Variants in FHAD1 observed in about 807,000 individuals in gnomAD.
The protein encoded by FHAD1 is forkhead-associated domain-containing protein 1.
FHAD1 carries 146 observed loss-of-function variants against 191.3 expected under a neutral mutation model. The ratio of observed to expected loss-of-function variants is 0.76; its 90% CI spans 0.67 to 0.88. The LOEUF (loss-of-function observed/expected upper bound fraction) is 0.88. Among genes scored for constraint, FHAD1 ranks in the 40% least tolerant of loss-of-function variants. FHAD1 has a pLI of 0.00. For missense variants in FHAD1, 1,635 were observed against 1,785.8 expected, an observed-to-expected ratio of 0.92 and a Z score of 1.52; for synonymous variants, 616 against 672.3, an observed-to-expected ratio of 0.92 and a Z score of 1.29.
rs1359157307 is a variant in FHAD1, at chr1:15,308,607, C to G, written c.916-6C>G. 1 of 1,551,696 alleles carries G rather than the reference C, an allele frequency of 6.4e-7. No individual in the cohort carries two copies. The highest frequency in any genetic ancestry group is 1.2e-5 in the South Asian group (1 of 84,048). ...CCCCCTCTGACTGTGCCACCTCCTC[C>G]CACAGATCAGTGCCCTACAGAAAGG... is the stretch of plus-strand genomic sequence containing the variant. On this transcript the variant is annotated splice_polypyrimidine_tract_variant and splice_region_variant and intron_variant, in intron 6 of 33. Coordinates refer to ENST00000688493, the MANE Select transcript of FHAD1 (RefSeq NM_001391957.1).
chr1:15,359,747 G>GT (rs1198617258), intron 21 of FHAD1, among the ~76,000 whole-genome samples: 10 of 152,090 alleles, frequency 6.6e-5, no homozygotes, highest in African/African-American at 2.2e-4. Flanking sequence ...TCAAGAGATC[G>GT]AGACCATCCT....
Position 15,395,039 on chromosome 1 carries a change from T to C in FHAD1, c.4324-2258T>C, listed in dbSNP as rs555292047. Among the ~76,000 whole-genome samples, 18 of 152,066 alleles carry C rather than the reference T, an allele frequency of 1.2e-4. No homozygotes were observed. The South Asian group carries it at 1.2e-3, about 11-fold the overall frequency. On this transcript the variant is annotated intron_variant, in intron 33 of 33. Coordinates refer to ENST00000688493, the MANE Select transcript of FHAD1 (RefSeq NM_001391957.1). Reference sequence around the variant, plus strand: ...CATAAAACCTATGGGAAAGGCTGGGTGCGGTGGCTCACGCCTGTAATCCCA... The same window carrying C: ...CATAAAACCTATGGGAAAGGCTGGGCGCGGTGGCTCACGCCTGTAATCCCA...
chr1:15,237,521 C>T lies in FHAD1; in HGVS notation c.-15+760C>T, dbSNP rs538741696. Among the ~76,000 whole-genome samples, 4 of 152,320 alleles carry T rather than the reference C, an allele frequency of 2.6e-5. 1 individual carries two copies. Among genetic ancestry groups the T allele is most frequent in the African/African-American group, 9.6e-5 (4 of 41,566 alleles). ...CTCCACCCCACGTGGAAGCACGTCCCTCCCTCTCCAACCCCAGCCCCTCAG... is the reference window on the plus strand; with the variant it reads ...CTCCACCCCACGTGGAAGCACGTCCTTCCCTCTCCAACCCCAGCCCCTCAG... On this transcript the variant is annotated intron_variant, in intron 1 of 33. Coordinates refer to the FHAD1 transcript ENST00000683790.
intron 6 of FHAD1, among the ~76,000 whole-genome samples, chr1:15,302,793 A>T (rs910891301): frequency 2.0e-5 from 3 of 152,014 alleles, no homozygotes; most frequent in African/African-American, 7.3e-5. Context: ...CCACTGGTGA[A>T]TTTCACCCTC....
rs564743109 is a variant in FHAD1, at chr1:15,337,061, G to T, written c.1907-2420G>T. Among the ~76,000 whole-genome samples, 362 of 152,360 alleles carry T rather than the reference G, an allele frequency of 2.4e-3. 1 individual carries two copies. Among genetic ancestry groups the T allele is most frequent in the Non-Finnish European group, 4.3e-3 (293 of 68,040 alleles). On this transcript the variant is annotated intron_variant, in intron 14 of 33. Coordinates refer to ENST00000688493, the MANE Select transcript of FHAD1 (RefSeq NM_001391957.1). The stretch of plus-strand genomic sequence containing the variant: ...CACGGACGCCTCTGCAGGAGGGGCT[G>T]CCAGGAAAGTGGTGCAGGGAGTCCA...
chr1:15,248,588 T>C (rs1238705945), intron 1 of FHAD1, among the ~76,000 whole-genome samples: 2 of 151,702 alleles, frequency 1.3e-5, no homozygotes, highest in Non-Finnish European at 2.9e-5. Context: ...CCTTTTTTTT[T>C]TTTTTTTAAT....
chr1:15,255,064 C>A (rs1323167465), intron 2 of FHAD1, among the ~76,000 whole-genome samples: 1 of 149,938 alleles, frequency 6.7e-6, no homozygotes, highest in Non-Finnish European at 1.5e-5. Context: ...GTCAATTTAT[C>A]ATTTGTCTTA....
intron 15 of FHAD1, 148 bp downstream of exon 15, chr1:15,339,699 A>G: frequency 3.0e-6 from 1 of 337,800 alleles, no homozygotes; most frequent in South Asian, 2.5e-5. Context: ...TCATTTGCAC[A>G]CAAAGAGGTA....
chr1:15,251,974 C>G, intron 2 of FHAD1, 97 bp downstream of exon 2: 1 of 1,001,482 alleles, frequency 1.0e-6, no homozygotes, highest in Non-Finnish European at 1.5e-6. Flanking sequence ...GTCTCTTGTA[C>G]ACCACAACCT....
intron 28 of FHAD1, among the ~76,000 whole-genome samples, chr1:15,378,667 G>A (rs1383743615): frequency 6.6e-6 from 1 of 152,202 alleles, no homozygotes; most frequent in Non-Finnish European, 1.5e-5. Context: ...ATAGATAAAT[G>A]TGTCCACTCT....
intron 28 of FHAD1, among the ~76,000 whole-genome samples, chr1:15,376,301 A>G (rs1050459034): frequency 9.9e-5 from 15 of 152,166 alleles, no homozygotes; most frequent in South Asian, 2.1e-4. Context: ...CTTGTTAGCC[A>G]GGATGGTCTT....
intron 1 of FHAD1, among the ~76,000 whole-genome samples, chr1:15,238,856 A>G (rs1645061306): frequency 6.6e-6 from 1 of 152,118 alleles, no homozygotes; most frequent in African/African-American, 2.4e-5. Flanking sequence ...AGTGGTTCAC[A>G]CCTTCCCTGA....
chr1:15,275,393 C>G (rs1657955190), intron 3 of FHAD1, among the ~76,000 whole-genome samples: 1 of 152,220 alleles, frequency 6.6e-6, no homozygotes, highest in African/African-American at 2.4e-5. Context: ...GGCCCATGCC[C>G]AGAGTACCTC....
At chr1:15,383,737 T>C in intron 31 of FHAD1, 2 of 308,070 alleles carry the variant, frequency 6.5e-6, no homozygotes, top group Non-Finnish European at 1.3e-5. Flanking sequence ...TCACCTGAGC[T>C]TTGCAGCCGT....
At position 15,380,690 on chromosome 1, in the gene FHAD1, T is replaced by C. The variant is rs1700701270; in HGVS notation, c.3706-11T>C. On this transcript the variant is annotated splice_polypyrimidine_tract_variant and intron_variant, in intron 28 of 33. Transcript: ENST00000688493. ...TGTCAAGAGAGGCCTTTCATTTCTT[T>C]CTGATTTCAGCCTCAGAATGGCCTT... 6.5e-7 allele frequency: 1 copy of C among 1,550,322 alleles called. No individual in the cohort carries two copies. The highest frequency in any genetic ancestry group is 2.0e-5 in the Admixed American group (1 of 50,962).
chr1:15,241,851 G>A (rs977646255), intron 1 of FHAD1, among the ~76,000 whole-genome samples: 3 of 152,086 alleles, frequency 2.0e-5, no homozygotes, highest in African/African-American at 7.2e-5. Flanking sequence ...AAATTCAAAT[G>A]GTGTCTCAGC....
rs1343192149 is a variant in FHAD1, at chr1:15,318,239, G to A, written c.1365+311G>A. ...CAATCCCAGTTTTGAGTTTCGTGTT[G>A]CTTAATTATTTTAATGTCCCTTCCC... is the stretch of plus-strand genomic sequence containing the variant. On this transcript the variant is annotated intron_variant, in intron 10 of 33. Transcript: ENST00000688493. This position sits in a 1 kb window ranked among gnomAD's most constrained non-coding sequence, Gnocchi z 4.1. Among the ~76,000 whole-genome samples the A allele has an allele frequency of 6.6e-6, 1 of 152,134 alleles. No individual in the cohort carries two copies. Among genetic ancestry groups the A allele is most frequent in the Non-Finnish European group, 1.5e-5 (1 of 68,012 alleles).
At chr1:15,366,284 C>CA (rs35252287) in intron 24 of FHAD1, among the ~76,000 whole-genome samples, 2,149 of 43,614 alleles carry the variant, frequency 0.049, 119 homozygotes, top group African/African-American at 0.064. Flanking sequence ...GACTCTGTCT[C>CA]AAAAAAAAAA....
intron 26 of FHAD1, among the ~76,000 whole-genome samples, chr1:15,374,088 A>T (rs1282960710): frequency 6.6e-6 from 1 of 152,180 alleles, no homozygotes; most frequent in East Asian, 1.9e-4. Flanking sequence ...CCCCTAGCAA[A>T]TATTAAATAA....
Sources: gnomAD v4.1 joint callset for allele counts (sites outside exome capture counted in the v4.1 genomes callset) on GRCh38, gnomAD v4.1.1 for gene constraint, Gnocchi (gnomAD v3.1) non-coding constraint, MANE v1.5 for transcripts, NCBI Gene and HGNC (gene_info 2026-07-23, HGNC 2026-07-21) for gene names.